The following ZNF536 variants were observed in gnomAD, a reference collection of about 807,000 sequenced individuals.
The protein encoded by ZNF536 is zinc finger protein 536.
ZNF536 carries 13 observed loss-of-function variants against 84.5 expected under a neutral mutation model. The observed-to-expected ratio is 0.15, with a 90% CI of 0.10 to 0.24. The LOEUF is 0.24. Among genes scored for constraint, ZNF536 ranks in the 10% least tolerant of loss-of-function variants. ZNF536 has a pLI of 1.00. For synonymous variants in ZNF536, 811 were observed against 742.5 expected, an observed-to-expected ratio of 1.09 and a Z score of -1.50; for missense variants, 1,536 against 1,747.5, an observed-to-expected ratio of 0.88 and a Z score of 2.16.
Position 30,465,295 on chromosome 19 carries a change from C to T in ZNF536, c.2170+19563C>T, listed in dbSNP as rs193255060. Among the ~76,000 whole-genome samples, 59 of 152,270 alleles carry T rather than the reference C, an allele frequency of 3.9e-4. 1 individual carries two copies. The East Asian group carries it at 6.8e-3, about 17-fold the overall frequency. On this transcript the variant is annotated intron_variant, in intron 2 of 4. Transcript: ENST00000355537. ...TGGCTTCATCTCACCTTCACCTCAA[C>T]GCCACTTCCTCTGGGAGGCCTTTCC... is the stretch of plus-strand genomic sequence containing the variant.
At chr19:30,333,225 AG>A (rs1322705398) in intron 2 of ZNF536, among the ~76,000 whole-genome samples, 1 of 152,244 alleles carries the variant, frequency 6.6e-6, no homozygotes, top group African/African-American at 2.4e-5. Context: ...AAGAGAGCAC[AG>A]TTCCATGACC....
At chr19:30,614,339 A>G (rs2048205998) in intron 1 of ZNF536, among the ~76,000 whole-genome samples, 1 of 152,044 alleles carries the variant, frequency 6.6e-6, no homozygotes, top group African/African-American at 2.4e-5. Context: ...GAGATCTACT[A>G]TAATTTACTT....
intron 4 of ZNF536, among the ~76,000 whole-genome samples, chr19:30,552,503 A>G (rs1484390414): frequency 6.6e-6 from 1 of 152,230 alleles, no homozygotes; most frequent in Admixed American, 6.5e-5. Flanking sequence ...CTCCCCACAG[A>G]TCTCAGCAGC....
At chr19:30,573,397 G>A (rs1015143647) in intron 1 of ZNF536, among the ~76,000 whole-genome samples, 10 of 152,228 alleles carry the variant, frequency 6.6e-5, no homozygotes, top group African/African-American at 2.4e-4. Context: ...ACTTCTGCCT[G>A]TTCCTGGGAC....
At chr19:30,235,140 C>T (rs961054635) in intron 1 of ZNF536, among the ~76,000 whole-genome samples, 15 of 152,188 alleles carry the variant, frequency 9.9e-5, no homozygotes, top group Admixed American at 9.2e-4. Flanking sequence ...TTACACACCC[C>T]GGGTGCATTA....
intron 2 of ZNF536, among the ~76,000 whole-genome samples, chr19:30,457,356 G>C (rs895249015): frequency 2.0e-5 from 3 of 152,246 alleles, no homozygotes; most frequent in African/African-American, 7.2e-5. Context: ...GCTGGCTGCT[G>C]TTCTTTCCCT....
At chr19:30,309,694 C>T (rs1388345821) in intron 2 of ZNF536, among the ~76,000 whole-genome samples, 2 of 152,216 alleles carry the variant, frequency 1.3e-5, no homozygotes, top group Non-Finnish European at 1.5e-5. Flanking sequence ...GAGACCTCCT[C>T]ATGACAAAGT....
In ZNF536 at chr19:30,480,559, G is replaced by A. The variant is rs147932187; in HGVS notation, c.2170+34827G>A. On this transcript the variant is annotated intron_variant, in intron 2 of 4. Transcript: ENST00000355537. ...ACCGGGGCCTGTCGTGGGGTAGGGG[G>A]CAAGGGGAGGGAGAGCGTTAGGACA... Among the ~76,000 whole-genome samples the A allele has an allele frequency of 9.6e-3, 1,465 of 152,152 alleles. 7 individuals carry two copies. Among genetic ancestry groups the A allele is most frequent in the Non-Finnish European group, 0.015 (1,033 of 68,010 alleles).
exon 2 of ZNF536, chr19:30,712,564 T>C (rs1392351089): frequency 1.3e-5 from 2 of 152,128 alleles, no homozygotes; most frequent in African/African-American, 2.4e-5. Context: ...AAATTCTTAG[T>C]GCTATCCTGA....
At chr19:30,478,775 G>A (rs762970432) in intron 2 of ZNF536, among the ~76,000 whole-genome samples, 11 of 152,300 alleles carry the variant, frequency 7.2e-5, no homozygotes, top group Non-Finnish European at 1.5e-4. Flanking sequence ...GGGACAAAAT[G>A]TGGTATAGCT....
At position 30,586,566 on chromosome 19, in the gene ZNF536, A is replaced by T. The variant is rs373272935; in HGVS notation, c.169+37052A>T. On this transcript the variant is annotated intron_variant, in intron 1 of 1. Transcript: ENST00000592773. ...TTCCTTTCCCCTTCTGGTACTTGAT[A>T]TAATTTCCACTATTGACTATCATTT... Among the ~76,000 whole-genome samples the T allele has an allele frequency of 1.1e-4, 17 of 152,178 alleles. 1 individual carries two copies. Among genetic ancestry groups the T allele is most frequent in the Admixed American group, 7.2e-4 (11 of 15,284 alleles).
chr19:30,657,815 A>G (rs186190829), intron 1 of ZNF536, among the ~76,000 whole-genome samples: 47 of 152,256 alleles, frequency 3.1e-4, no homozygotes, highest in Admixed American at 2.6e-3. Context: ...TGTTAATTCC[A>G]TCTCAAAAAG....
downstream of ZNF536, among the ~76,000 whole-genome samples, chr19:30,559,717 G>A (rs2046090509): frequency 6.6e-6 from 1 of 152,252 alleles, no homozygotes; most frequent in East Asian, 1.9e-4. Flanking sequence ...GTGAGGGAGA[G>A]GCTGCTGAAG....
intron 2 of ZNF536, among the ~76,000 whole-genome samples, chr19:30,313,689 G>C (rs776407787): frequency 6.6e-6 from 1 of 152,160 alleles, no homozygotes; most frequent in Middle Eastern, 3.2e-3. Flanking sequence ...TGCCCACCCC[G>C]ACTGTGGTTT....
At chr19:30,620,254 C>T (rs8108640) in intron 1 of ZNF536, among the ~76,000 whole-genome samples, 2 of 152,054 alleles carry the variant, frequency 1.3e-5, no homozygotes, top group Admixed American at 1.3e-4. Flanking sequence ...AAAGCTGGGC[C>T]GGTGTTGCCA....
At chr19:30,288,232 C>T (rs917737478) in intron 2 of ZNF536, among the ~76,000 whole-genome samples, 2 of 152,164 alleles carry the variant, frequency 1.3e-5, no homozygotes, top group Admixed American at 1.3e-4. Flanking sequence ...GGACTTCCTG[C>T]CCACGTGACT....
intron 1 of ZNF536, among the ~76,000 whole-genome samples, chr19:30,631,343 T>C (rs535132900): frequency 6.6e-6 from 1 of 152,242 alleles, no homozygotes; most frequent in East Asian, 1.9e-4. Context: ...ATCCGACTGC[T>C]GGCACTGGGA....
intron 3 of ZNF536, among the ~76,000 whole-genome samples, chr19:30,542,829 A>G (rs923172716): frequency 1.3e-5 from 2 of 152,106 alleles, no homozygotes; most frequent in Non-Finnish European, 1.5e-5. Context: ...TCTTTTTTCT[A>G]GAGACAGGGT....
chr19:30,300,388 A>T (rs370841174), intron 2 of ZNF536: 1 of 152,030 alleles, frequency 6.6e-6, no homozygotes, highest in South Asian at 2.1e-4. Flanking sequence ...TGTATTTGCC[A>T]CTGTCATCTG....
Sources: gnomAD v4.1 joint callset for allele counts (sites outside exome capture counted in the v4.1 genomes callset) on GRCh38, gnomAD v4.1.1 for gene constraint, MANE v1.5 for transcripts, NCBI Gene and HGNC (gene_info 2026-07-23, HGNC 2026-07-21) for gene names.